Variants in HIPK2 observed in about 807,000 individuals in gnomAD.
The protein encoded by HIPK2 is homeodomain interacting protein kinase 2, also known as homeodomain-interacting protein kinase 2.
Under a neutral mutation model 113.7 loss-of-function variants are expected in HIPK2, and 27 were observed. The observed-to-expected ratio is 0.24, with a 90% CI of 0.17 to 0.33. The LOEUF (loss-of-function observed/expected upper bound fraction) is 0.33, where lower values mean the gene tolerates loss of function less well. Ranked by LOEUF, HIPK2 falls within the 10% of genes least tolerant of loss-of-function variation. The pLI, the probability that HIPK2 is intolerant of heterozygous loss-of-function variation, is 1.00. For missense variants in HIPK2, 1,257 were observed against 1,588.0 expected (o/e 0.79, Z 3.54); for synonymous variants, 631 against 642.2 (o/e 0.98, Z 0.26).
chr7:139,613,148 CA>C lies in HIPK2; in HGVS notation c.2112+53del. On this transcript the variant is annotated intron_variant, in intron 9 of 14. Coordinates refer to ENST00000406875, the MANE Select transcript of HIPK2 (RefSeq NM_022740.5). This position sits in a 1 kb window ranked among gnomAD's most constrained non-coding sequence, Gnocchi z 4.2. ...AGTGGAGATATATATCTTTTGTGAA[CA>C]ACATTAACACAGGTAATGGTAATAC... 1 of 1,602,216 alleles carries C rather than the reference CA, an allele frequency of 6.2e-7. No homozygotes were observed.
In HIPK2 at chr7:139,563,478, T is replaced by C. The variant is rs999468076; in HGVS notation, c.*9449A>G. ...GTGCCAGGAGAGATTCGTTTGGAGA[T>C]TGGTTACAAGGAAGCGAGGGAGAGC... On this transcript the variant is annotated 3_prime_UTR_variant, in exon 15 of 15. Transcript: ENST00000406875. 1.7e-4 allele frequency: 28 copies of C among 167,872 alleles called. No homozygotes were observed. The highest frequency in any genetic ancestry group is 5.4e-4 in the African/African-American group (23 of 42,242). The allele number at this position is 167,872 out of a possible 1,614,324, so 10.4% of individuals were successfully genotyped here. A position where few individuals can be genotyped will look rare whatever the true frequency, so the allele number is the denominator to read the frequency against.
intron 9 of HIPK2, 45 bp from the exon 10 acceptor site, chr7:139,604,268 A>G: frequency 6.4e-7 from 1 of 1,565,664 alleles, no homozygotes; most frequent in Non-Finnish European, 8.7e-7. Flanking sequence ...TGCTAATCAC[A>G]TAATTGATTT....
In HIPK2 at chr7:139,608,623, G is replaced by T. The variant is rs996712447; in HGVS notation, c.2113-4400C>A. On this transcript the variant is annotated intron_variant, in intron 9 of 14. Coordinates refer to ENST00000406875, the MANE Select transcript of HIPK2 (RefSeq NM_022740.5). ...CCTAATTCCAGTGCCCATGCTTTCA[G>T]CCAATATACACCTCTCCTTGTGTTG... is the stretch of plus-strand genomic sequence containing the variant. 2.0e-5 allele frequency among the ~76,000 whole-genome samples: 3 copies of T among 152,096 alleles called. No homozygotes were observed. In the East Asian group the frequency reaches 5.8e-4, roughly 29 times the overall value.
chr7:139,653,010 G>A (rs1801518576), intron 2 of HIPK2, among the ~76,000 whole-genome samples: 1 of 151,738 alleles, frequency 6.6e-6, no homozygotes, highest in South Asian at 2.1e-4. Context: ...GTGGTGGTGG[G>A]GGCCTGTAAT....
intron 1 of HIPK2, among the ~76,000 whole-genome samples, chr7:139,752,261 A>G (rs1223176168): frequency 1.3e-5 from 2 of 152,238 alleles, no homozygotes; most frequent in African/African-American, 4.8e-5. Context: ...CTGAAGTCCA[A>G]GCTGTTTGCT....
intron 1 of HIPK2, among the ~76,000 whole-genome samples, chr7:139,731,061 T>C (rs1795764335): frequency 6.6e-6 from 1 of 152,274 alleles, no homozygotes. Flanking sequence ...TCTGTTGTTT[T>C]AGGCCACCTA....
At chr7:139,625,927 C>T (rs991686268) in intron 6 of HIPK2, among the ~76,000 whole-genome samples, 1 of 152,092 alleles carries the variant, frequency 6.6e-6, no homozygotes, top group Non-Finnish European at 1.5e-5. Context: ...CAATCTTTGG[C>T]CCTGAGACTA....
chr7:139,700,992 T>A (rs1794690801), intron 2 of HIPK2, among the ~76,000 whole-genome samples: 1 of 152,234 alleles, frequency 6.6e-6, no homozygotes, highest in Non-Finnish European at 1.5e-5. Context: ...CGGAAAAATT[T>A]AAAAATAGCA....
At chr7:139,581,168 C>T (rs182899619) in intron 13 of HIPK2, among the ~76,000 whole-genome samples, 291 of 152,190 alleles carry the variant, frequency 1.9e-3, no homozygotes, top group African/African-American at 6.7e-3. Context: ...TGCAGTAAGC[C>T]GAGATCGCGC....
rs367754860 is a variant in HIPK2, at chr7:139,596,971, G to A, written c.2463C>T (p.Ser821=). Residue 821 remains serine, a synonymous_variant, in exon 12 of 15, where the codon TCC becomes TCT. Transcript: ENST00000406875. ...GCTGTGGGGAGCTGATGGCCTGAGA[G>A]GAGGACACCTCACAGGTGGAGACAT... ...VRNVSTCEVS[S]SQAISSPQRS... 1.9e-6 allele frequency: 3 copies of A among 1,601,766 alleles called. No homozygotes were observed. Among genetic ancestry groups the A allele is most frequent in the African/African-American group, 2.7e-5 (2 of 74,704 alleles).
At chr7:139,604,041 C>T in intron 10 of HIPK2, 40 bp downstream of exon 10, 1 of 1,612,870 alleles carries the variant, frequency 6.2e-7, no homozygotes, top group African/African-American at 1.3e-5. Context: ...GCCTCCCATC[C>T]CAGACACACC....
In HIPK2 at chr7:139,630,931, T is replaced by C. The variant is rs141564811; in HGVS notation, c.1347+234A>G. ...CAAATCAGACAGTCATCAAGGCTTATCGGATTAAATCCTGGGAGTTCAGCA... is the reference window on the plus strand; with the variant it reads ...CAAATCAGACAGTCATCAAGGCTTACCGGATTAAATCCTGGGAGTTCAGCA... On this transcript the variant is annotated intron_variant, in intron 4 of 14. Coordinates refer to ENST00000406875, the MANE Select transcript of HIPK2 (RefSeq NM_022740.5). This position sits in a 1 kb window ranked among gnomAD's most constrained non-coding sequence, Gnocchi z 4.0. Among the ~76,000 whole-genome samples, 1 of 152,364 alleles carries C rather than the reference T, an allele frequency of 6.6e-6. No homozygotes were observed. The highest frequency in any genetic ancestry group is 1.9e-4 in the East Asian group (1 of 5,184).
At chr7:139,584,127 C>T (rs578008830) in intron 12 of HIPK2, 63 bp from the exon 13 acceptor site, 7 of 1,534,084 alleles carry the variant, frequency 4.6e-6, no homozygotes, top group East Asian at 4.5e-5. Flanking sequence ...ACCCAACTAG[C>T]ACTTCATGCC....
At chr7:139,641,067 GAAAT>G (rs1424715264) in intron 2 of HIPK2, among the ~76,000 whole-genome samples, 1 of 150,618 alleles carries the variant, frequency 6.6e-6, no homozygotes, top group African/African-American at 2.4e-5. Flanking sequence ...CCTAGCTTTA[GAAAT>G]AAAAACTCCC....
At chr7:139,770,089 A>G (rs1206264094) in intron 1 of HIPK2, among the ~76,000 whole-genome samples, 1 of 152,234 alleles carries the variant, frequency 6.6e-6, no homozygotes, top group African/African-American at 2.4e-5. Context: ...GATTCTGGTG[A>G]GTAGATGCCG....
intron 2 of HIPK2, among the ~76,000 whole-genome samples, chr7:139,685,669 T>G (rs1794195616): frequency 1.3e-5 from 2 of 152,196 alleles, no homozygotes; most frequent in South Asian, 4.1e-4. Flanking sequence ...CCTTAAGAAT[T>G]GTGCTAAATC....
intron 1 of HIPK2, 96 bp downstream of exon 1, chr7:139,777,509 G>T: frequency 2.3e-6 from 1 of 430,480 alleles, no homozygotes; most frequent in Non-Finnish European, 3.1e-6. Context: ...TGGGGCAGGC[G>T]CCGGGGGCTG....
Position 139,744,602 on chromosome 7 carries a change from T to C in HIPK2, c.20-27587A>G, listed in dbSNP as rs1796160191. On this transcript the variant is annotated intron_variant, in intron 1 of 14. Transcript: ENST00000406875. ...TATCTCAATAAAGCCATTTTAAAAA[T>C]AGTCACAAAAGTAGATGCCTGATAC... is the stretch of plus-strand genomic sequence containing the variant. Among the ~76,000 whole-genome samples, 8 of 152,324 alleles carry C rather than the reference T, an allele frequency of 5.3e-5. No homozygotes were observed. In the South Asian group the frequency reaches 1.4e-3, roughly 28 times the overall value.
intron 1 of HIPK2, among the ~76,000 whole-genome samples, chr7:139,748,252 A>T (rs1418590663): frequency 6.6e-6 from 1 of 151,966 alleles, no homozygotes; most frequent in African/African-American, 2.4e-5. Context: ...CCAGACTCCC[A>T]CGCTCCGATG....
Sources: gnomAD v4.1 joint callset for allele counts (sites outside exome capture counted in the v4.1 genomes callset) on GRCh38, gnomAD v4.1.1 for gene constraint, Gnocchi (gnomAD v3.1) non-coding constraint, MANE v1.5 for transcripts, NCBI Gene and HGNC (gene_info 2026-07-23, HGNC 2026-07-21) for gene names.